Variants in MET observed in about 807,000 individuals in gnomAD.
MET encodes MET proto-oncogene, receptor tyrosine kinase.
Under a neutral mutation model 133.1 loss-of-function variants are expected in MET, and 48 were observed. The observed-to-expected ratio is 0.36, with a 90% CI of 0.29 to 0.46. The LOEUF is 0.46. Ranked by LOEUF, MET falls within the 20% of genes least tolerant of loss-of-function variation. MET has a pLI of 1.00. For synonymous variants in MET, 628 were observed against 616.5 expected, an observed-to-expected ratio of 1.02 and a Z score of -0.28; for missense variants, 1,442 against 1,695.9, an observed-to-expected ratio of 0.85 and a Z score of 2.63.
At chr7:116,737,254 C>T (rs754240211) in intron 3 of MET, among the ~76,000 whole-genome samples, 4 of 152,146 alleles carry the variant, frequency 2.6e-5, no homozygotes, top group Admixed American at 6.6e-5. Context: ...TAGAGCTTGG[C>T]GGAGTGTGCT....
At chr7:116,757,580 A>G (rs2116922001) in intron 7 of MET, 41 bp downstream of exon 7, 2 of 1,612,582 alleles carry the variant, frequency 1.2e-6, no homozygotes, top group Non-Finnish European at 1.7e-6. Flanking sequence ...TTTTTACTTA[A>G]TCTATTTAAA....
chr7:116,768,026 G>GTA (rs368233103), intron 11 of MET, among the ~76,000 whole-genome samples: 3,352 of 144,008 alleles, frequency 0.023, 105 homozygotes, highest in African/African-American at 0.074. Flanking sequence ...GTGTGTGTGT[G>GTA]TATATATATA....
In MET at chr7:116,740,897, T is replaced by G. The variant is rs1793420750; in HGVS notation, c.1573T>G (p.Ser525Ala). The G allele has an allele frequency of 1.9e-6, 3 of 1,614,042 alleles. No individual in the cohort carries two copies. The highest frequency in any genetic ancestry group is 2.5e-6 in the Non-Finnish European group (3 of 1,180,020). Residue 525 changes from serine to alanine, a missense_variant, in exon 5 of 21, where the codon TCC becomes GCC. Physicochemically the swap from Ser to Ala is moderately conservative, Grantham distance 99 (BLOSUM62 1). Coordinates refer to ENST00000397752, the MANE Select transcript of MET (RefSeq NM_000245.4). ...TGGCTTGGGCTGCAGACATTTCCAGTCCTGCAGTCAATGCCTCTCTGCCCC... is the reference window on the plus strand; with the variant it reads ...TGGCTTGGGCTGCAGACATTTCCAGGCCTGCAGTCAATGCCTCTCTGCCCC... ...LNGLGCRHFQ[S>A]CSQCLSAPPF...
At chr7:116,762,186 TAGAG>T (rs17136160) in intron 10 of MET, among the ~76,000 whole-genome samples, 2 of 152,242 alleles carry the variant, frequency 1.3e-5, no homozygotes, top group East Asian at 1.9e-4. Flanking sequence ...CTTTGTAAAA[TAGAG>T]AGCATAGGAA....
At chr7:116,718,484 G>A (rs908713154) in intron 2 of MET, among the ~76,000 whole-genome samples, 1 of 151,890 alleles carries the variant, frequency 6.6e-6, no homozygotes, top group Non-Finnish European at 1.5e-5. Context: ...GATTATTTTA[G>A]AAGTGGATAA....
chr7:116,694,444 G>T (rs1404701545), intron 1 of MET, among the ~76,000 whole-genome samples: 2 of 152,116 alleles, frequency 1.3e-5, no homozygotes, highest in East Asian at 1.9e-4. Flanking sequence ...AGGTGTAGGA[G>T]ATTAAGGTAC....
chr7:116,745,014 G>C (rs1238282285), intron 5 of MET, among the ~76,000 whole-genome samples: 1 of 152,216 alleles, frequency 6.6e-6, no homozygotes, highest in African/African-American at 2.4e-5. Context: ...TGACATGATT[G>C]TATATTTAGA....
At chr7:116,730,094 CT>C (rs1792944020) in intron 2 of MET, among the ~76,000 whole-genome samples, 1 of 152,150 alleles carries the variant, frequency 6.6e-6, no homozygotes, top group African/African-American at 2.4e-5. Context: ...AGAATCTACA[CT>C]AGAAGCATTT....
chr7:116,673,879 G>T (rs150310630), intron 1 of MET, among the ~76,000 whole-genome samples: 1 of 152,108 alleles, frequency 6.6e-6, no homozygotes, highest in Non-Finnish European at 1.5e-5. Context: ...GAGGTACTTT[G>T]GTTCCTATCA....
Position 116,782,159 on chromosome 7 carries a change from A to G in MET, c.3632+62A>G, listed in dbSNP as rs1795177250. ...AGTGACAAGGAGGAATCTGTTTCCCACTGTTCAATGCTAGTTAAGCTGTTT... is the reference window on the plus strand; with the variant it reads ...AGTGACAAGGAGGAATCTGTTTCCCGCTGTTCAATGCTAGTTAAGCTGTTT... On this transcript the variant is annotated intron_variant, in intron 18 of 20. Coordinates refer to ENST00000397752, the MANE Select transcript of MET (RefSeq NM_000245.4). 2.7e-6 allele frequency: 3 copies of G among 1,129,548 alleles called. No homozygotes were observed. In the Admixed American group the frequency reaches 5.4e-5, roughly 20 times the overall value. 70.0% of individuals were successfully genotyped at this position (1,129,548 alleles called of 1,614,324 possible). A position where few individuals can be genotyped will look rare whatever the true frequency, so the allele number is the denominator to read the frequency against.
At chr7:116,769,884 A>G (rs776766309) in intron 12 of MET, 93 bp downstream of exon 12, 11 of 1,573,234 alleles carry the variant, frequency 7.0e-6, no homozygotes, top group Non-Finnish European at 9.6e-6. Context: ...AAGCTCATTT[A>G]TGTGTGGGTT....
chr7:116,762,853 T>C (rs903709523), intron 10 of MET, among the ~76,000 whole-genome samples, 197 bp from the exon 11 acceptor site: 3 of 152,224 alleles, frequency 2.0e-5, no homozygotes, highest in African/African-American at 7.2e-5. Context: ...GCTCTGTGTT[T>C]CTTTGAAGGG....
intron 2 of MET, among the ~76,000 whole-genome samples, chr7:116,701,047 A>G (rs1181677006): frequency 6.6e-6 from 1 of 152,162 alleles, no homozygotes; most frequent in Non-Finnish European, 1.5e-5. Flanking sequence ...GTTGATGATT[A>G]TTTATACTTA....
chr7:116,790,128 G>T (rs1456788838), intron 19 of MET, among the ~76,000 whole-genome samples: 1 of 152,180 alleles, frequency 6.6e-6, no homozygotes, highest in African/African-American at 2.4e-5. Flanking sequence ...CAAAAGACAT[G>T]ATCTTGTTCC....
intron 5 of MET, among the ~76,000 whole-genome samples, chr7:116,752,212 A>G (rs1793950649): frequency 6.6e-6 from 1 of 152,236 alleles, no homozygotes; most frequent in African/African-American, 2.4e-5. Context: ...TGTGAGTTCT[A>G]CTAAAGAGGA....
At chr7:116,695,130 G>A (rs570326644) in intron 1 of MET, among the ~76,000 whole-genome samples, 2 of 152,032 alleles carry the variant, frequency 1.3e-5, no homozygotes, top group Admixed American at 1.3e-4. Flanking sequence ...AGAAAATACA[G>A]CAATAAATTA....
At chr7:116,778,748 T>C (rs2117044361) in intron 16 of MET, 28 bp from the exon 17 acceptor site, 1 of 1,612,028 alleles carries the variant, frequency 6.2e-7, no homozygotes. Flanking sequence ...CATAATGAAG[T>C]TAATGTCTCC....
At chr7:116,775,199 T>C (rs1794958030) in intron 15 of MET, 88 bp downstream of exon 15, 1 of 1,198,072 alleles carries the variant, frequency 8.3e-7, no homozygotes, top group South Asian at 1.2e-5. Flanking sequence ...ACTTAGACAA[T>C]GGTGAAAGCA....
Position 116,700,192 on chromosome 7 carries a change from G to A in MET, c.1108G>A (p.Val370Ile), listed in dbSNP as rs1167093562. The change falls in exon 2 of 21, where the codon GTC (valine) becomes ATC (isoleucine). Residue 370 changes from valine to isoleucine, a missense_variant. Val to Ile is a conservative substitution (Grantham distance 29). Transcript: ENST00000397752. Reference sequence around the variant, plus strand: ...CATGTGTGCATTCCCTATCAAATATGTCAACGACTTCTTCAACAAGATCGT... The same window carrying A: ...CATGTGTGCATTCCCTATCAAATATATCAACGACTTCTTCAACAAGATCGT... Reference protein sequence around the residue: ...SAMCAFPIKYVNDFFNKIVNK... With the variant: ...SAMCAFPIKYINDFFNKIVNK... The A allele has an allele frequency of 6.3e-7, 1 of 1,593,652 alleles. No homozygotes were observed. The highest frequency in any genetic ancestry group is 2.2e-5 in the East Asian group (1 of 44,780).
Sources: allele counts gnomAD v4.1 joint callset (sites outside exome capture counted in the v4.1 genomes callset), GRCh38; gene constraint gnomAD v4.1.1; transcripts MANE v1.5; gene names NCBI Gene and HGNC (gene_info 2026-07-23, HGNC 2026-07-21).